The following GFI1B variants were observed in gnomAD, a reference collection of about 807,000 sequenced individuals.
GFI1B encodes the protein growth factor independent 1B transcriptional repressor, also known as zinc finger protein Gfi-1b.
Under a neutral mutation model 35.3 loss-of-function variants are expected in GFI1B, and 20 were observed. The ratio of observed to expected loss-of-function variants is 0.57; its 90% CI spans 0.40 to 0.82. The LOEUF (loss-of-function observed/expected upper bound fraction) is 0.82, where lower values mean the gene tolerates loss of function less well. GFI1B is among the 40% of genes least tolerant of loss of function. GFI1B has a pLI of 0.00. For missense variants in GFI1B, 430 were observed against 446.3 expected (o/e 0.96, Z 0.33); for synonymous variants, 178 against 177.6 (o/e 1.00, Z -0.02).
intron 1 of GFI1B, among the ~76,000 whole-genome samples, chr9:132,948,790 T>C (rs1235846056): frequency 6.6e-6 from 1 of 152,214 alleles, no homozygotes; most frequent in African/African-American, 2.4e-5. Flanking sequence ...TACCTTGGCT[T>C]AGGCCGTCTC....
intron 1 of GFI1B, among the ~76,000 whole-genome samples, chr9:132,949,342 T>TACACACACAC (rs367698473): frequency 2.7e-5 from 3 of 110,466 alleles, no homozygotes; most frequent in African/African-American, 1.1e-4. Flanking sequence ...CACACACACA[T>TACACACACAC]ACACACACAC....
At chr9:132,951,814 C>G (rs1222564310) in intron 1 of GFI1B, 1 of 152,216 alleles carries the variant, frequency 6.6e-6, no homozygotes, top group Non-Finnish European at 1.5e-5. Flanking sequence ...CCAGTCCAGA[C>G]TAGAGTACAG....
chr9:132,959,714 C>T lies in GFI1B; in HGVS notation c.-700-13011C>T, dbSNP rs151087912. 2.6e-3 allele frequency among the ~76,000 whole-genome samples: 391 copies of T among 152,282 alleles called. 1 individual carries two copies. Among genetic ancestry groups the T allele is most frequent in the African/African-American group, 8.9e-3 (368 of 41,556 alleles). The stretch of plus-strand genomic sequence containing the variant: ...CAGGGTTGGTTCCCTCTGAAGGTTC[C>T]GAGGGAGCAGCTGTTCCCTGGCTCT... On this transcript the variant is annotated intron_variant, in intron 1 of 10. Coordinates refer to the GFI1B transcript ENST00000339463.
At chr9:132,966,133 A>G (rs1246182219) in intron 1 of GFI1B, among the ~76,000 whole-genome samples, 3 of 152,222 alleles carry the variant, frequency 2.0e-5, no homozygotes, top group African/African-American at 7.2e-5. Flanking sequence ...TCAAGGCAGG[A>G]GAACCGCTGG....
intron 4 of GFI1B, among the ~76,000 whole-genome samples, 174 bp downstream of exon 4, chr9:132,988,642 C>T (rs1044053871): frequency 1.3e-5 from 2 of 152,190 alleles, no homozygotes; most frequent in Non-Finnish European, 2.9e-5. Context: ...GTGCCTGGCC[C>T]TGTGCTAAGC....
intron 1 of GFI1B, among the ~76,000 whole-genome samples, chr9:132,985,513 C>A (rs1254225812): frequency 6.6e-6 from 1 of 152,160 alleles, no homozygotes; most frequent in Non-Finnish European, 1.5e-5. Flanking sequence ...CCCCACACCC[C>A]ACTCCTCAGA....
In GFI1B at chr9:132,991,236, T is replaced by C. The variant is rs1849284716; in HGVS notation, c.*186T>C. 3.2e-6 allele frequency: 2 copies of C among 621,194 alleles called. No individual in the cohort carries two copies. The highest frequency in any genetic ancestry group is 1.9e-5 in the South Asian group (1 of 52,336). The allele number at this position is 621,194 out of a possible 1,614,324, so 38.5% of individuals were successfully genotyped here. ...GTCACTTACCCTGTCTGGATCAACA[T>C]TTCTCCTGCTGCCAAGTGTGGGAGC... is the stretch of plus-strand genomic sequence containing the variant. On this transcript the variant is annotated 3_prime_UTR_variant, in exon 7 of 7. Transcript: ENST00000372122.
chr9:132,960,157 C>A (rs1352842063), intron 1 of GFI1B, among the ~76,000 whole-genome samples: 3 of 152,140 alleles, frequency 2.0e-5, no homozygotes, highest in Non-Finnish European at 2.9e-5. Context: ...GTGATGAGGG[C>A]AACTTACTGG....
At chr9:132,975,566 G>A (rs1848613841), upstream of GFI1B, among the ~76,000 whole-genome samples, 1 of 152,070 alleles carries the variant, frequency 6.6e-6, no homozygotes, top group Non-Finnish European at 1.5e-5. Flanking sequence ...ACCCCAAATT[G>A]TAAATTTCAG....
chr9:132,948,417 A>G (rs1229566164), intron 1 of GFI1B, among the ~76,000 whole-genome samples: 1 of 152,180 alleles, frequency 6.6e-6, no homozygotes, highest in Non-Finnish European at 1.5e-5. Flanking sequence ...ATGAAGCAAT[A>G]ACTATTTTGG....
intron 1 of GFI1B, among the ~76,000 whole-genome samples, chr9:132,971,849 C>A (rs1718717139): frequency 6.6e-6 from 1 of 151,898 alleles, no homozygotes; most frequent in Non-Finnish European, 1.5e-5. Context: ...TGGCACGTGC[C>A]TGTAATCCCA....
rs199618898 is a variant in GFI1B at position 132,990,850 on chromosome 9, T to TGCTGC, written c.815-16_815-12dup. ...GGAGGCCCTGACCCCGCCCTTGCTG[T>TGCTGC]GCTGCGCTGCCCTCCCTGCAGGTGA... On this transcript the variant is annotated intron_variant, in intron 6 of 6. Transcript: ENST00000372122. The TGCTGC allele has an allele frequency of 3.1e-3, 5,051 of 1,613,528 alleles. 140 individuals are homozygous for TGCTGC. In the African/African-American group the frequency reaches 0.058, roughly 19 times the overall value.
chr9:132,962,067 T>TAC (rs145131246), intron 1 of GFI1B, among the ~76,000 whole-genome samples: 76,443 of 143,672 alleles, frequency 0.53, 21,134 homozygotes, highest in South Asian at 0.64. Context: ...ACCTACACTC[T>TAC]ACACACACAC....
At chr9:132,960,391 T>C (rs1848344649) in intron 1 of GFI1B, among the ~76,000 whole-genome samples, 2 of 152,164 alleles carry the variant, frequency 1.3e-5, no homozygotes, top group African/African-American at 4.8e-5. Context: ...GCTATATCTG[T>C]AGGCAACGCA....
At chr9:132,985,851 C>T (rs1205357926) in intron 1 of GFI1B, among the ~76,000 whole-genome samples, 1 of 152,202 alleles carries the variant, frequency 6.6e-6, no homozygotes, top group Non-Finnish European at 1.5e-5. Flanking sequence ...GCTCAGACCA[C>T]CCGTTTCTAT....
intron 1 of GFI1B, 32 bp from the exon 2 acceptor site, chr9:132,986,627 T>C: frequency 8.9e-7 from 1 of 1,125,910 alleles, no homozygotes; most frequent in East Asian, 2.5e-5. Flanking sequence ...TCTCTTGTCC[T>C]TCCTAACCGC....
At chr9:132,958,117 A>AT (rs1269354830) in intron 1 of GFI1B, among the ~76,000 whole-genome samples, 1 of 152,036 alleles carries the variant, frequency 6.6e-6, no homozygotes, top group Non-Finnish European at 1.5e-5. Flanking sequence ...GCCTTGAAGG[A>AT]TTTTAATTGG....
chr9:132,975,971 T>C (rs1343884096), upstream of GFI1B, among the ~76,000 whole-genome samples: 1 of 152,186 alleles, frequency 6.6e-6, no homozygotes, highest in African/African-American at 2.4e-5. Context: ...ACTGGCTGCC[T>C]GGCCACTGCT....
At chr9:132,985,076 G>A (rs1308845904) in intron 1 of GFI1B, among the ~76,000 whole-genome samples, 1 of 152,156 alleles carries the variant, frequency 6.6e-6, no homozygotes, top group Non-Finnish European at 1.5e-5. Context: ...AGGGGTGGGG[G>A]GGTGGGACTC....
Sources: gnomAD v4.1 joint callset for allele counts (sites outside exome capture counted in the v4.1 genomes callset) on GRCh38, gnomAD v4.1.1 for gene constraint, MANE v1.5 for transcripts, NCBI Gene and HGNC (gene_info 2026-07-23, HGNC 2026-07-21) for gene names.